Variants in ADAMTS12 observed in about 807,000 individuals in gnomAD.
ADAMTS12 encodes ADAM metallopeptidase with thrombospondin type 1 motif 12, also known as A disintegrin and metalloproteinase with thrombospondin motifs 12.
ADAMTS12 carries 118 observed loss-of-function variants against 167.8 expected under a neutral mutation model. The ratio of observed to expected loss-of-function variants is 0.70; its 90% CI spans 0.61 to 0.82. The LOEUF is 0.82. Among genes scored for constraint, ADAMTS12 ranks in the 40% least tolerant of loss-of-function variants. The pLI is 0.00. For synonymous variants in ADAMTS12, 704 were observed against 716.9 expected, an observed-to-expected ratio of 0.98 and a Z score of 0.29; for missense variants, 1,916 against 1,998.8, an observed-to-expected ratio of 0.96 and a Z score of 0.79.
chr5:33,708,046 A>T (rs149903733), intron 3 of ADAMTS12, among the ~76,000 whole-genome samples: 2,498 of 152,292 alleles, frequency 0.016, 67 homozygotes, highest in African/African-American at 0.057. Context: ...CAATCTATCC[A>T]TCTGACAAAG....
chr5:33,816,444 T>G (rs996852977), intron 2 of ADAMTS12, among the ~76,000 whole-genome samples: 9 of 152,140 alleles, frequency 5.9e-5, no homozygotes, highest in African/African-American at 2.2e-4. Context: ...CTGTCTGAGA[T>G]TTTGTACCTT....
chr5:33,646,760 A>C (rs1490701558), intron 9 of ADAMTS12, among the ~76,000 whole-genome samples: 1 of 152,226 alleles, frequency 6.6e-6, no homozygotes, highest in Non-Finnish European at 1.5e-5. Flanking sequence ...AACAGGAGAA[A>C]CAGATGCACA....
Position 33,630,968 on chromosome 5 carries a change from T to TC in ADAMTS12, c.1889-56dup. The TC allele has an allele frequency of 8.8e-6, 14 of 1,591,776 alleles. No homozygotes were observed. In the South Asian group the frequency reaches 1.6e-4, roughly 18 times the overall value. On this transcript the variant is annotated intron_variant, in intron 12 of 23. Transcript: ENST00000504830. ...CAAATTAGCTTTTAGCTCAGCATCC[T>TC]CCCCCAGGATTCCTCCGTACTTAGG...
intron 18 of ADAMTS12, among the ~76,000 whole-genome samples, chr5:33,581,129 A>C (rs1747043460): frequency 6.6e-6 from 1 of 152,180 alleles, no homozygotes; most frequent in South Asian, 2.1e-4. Context: ...TTCTTCTAGT[A>C]CATCTTCCAA....
intron 3 of ADAMTS12, among the ~76,000 whole-genome samples, chr5:33,691,750 C>A (rs1189996440): frequency 6.6e-6 from 1 of 152,202 alleles, no homozygotes; most frequent in East Asian, 1.9e-4. Context: ...CCGTGTCTAC[C>A]TCCTTCCACA....
chr5:33,759,515 A>G (rs1745276356), intron 2 of ADAMTS12, among the ~76,000 whole-genome samples: 1 of 152,194 alleles, frequency 6.6e-6, no homozygotes, highest in Non-Finnish European at 1.5e-5. Context: ...AAATAAGGCA[A>G]TTCATGAAAA....
chr5:33,675,111 G>T (rs149125970), intron 5 of ADAMTS12, among the ~76,000 whole-genome samples: 7 of 152,112 alleles, frequency 4.6e-5, no homozygotes, highest in Non-Finnish European at 7.4e-5. Context: ...CTTCCCAGTC[G>T]CCAGAACTAT....
intron 2 of ADAMTS12, among the ~76,000 whole-genome samples, chr5:33,804,656 T>C (rs1314744464): frequency 6.6e-6 from 1 of 152,200 alleles, no homozygotes; most frequent in Non-Finnish European, 1.5e-5. Context: ...GAAACCATTT[T>C]GATAAAATAT....
At chr5:33,884,991 C>G (rs1352933974) in intron 1 of ADAMTS12, among the ~76,000 whole-genome samples, 1 of 152,158 alleles carries the variant, frequency 6.6e-6, no homozygotes, top group Non-Finnish European at 1.5e-5. Flanking sequence ...TTATACTCTT[C>G]CAAGTCAAAT....
intron 9 of ADAMTS12, among the ~76,000 whole-genome samples, chr5:33,645,476 T>C (rs1484265836): frequency 1.3e-5 from 2 of 152,162 alleles, no homozygotes; most frequent in Non-Finnish European, 2.9e-5. Context: ...GGAGAATACA[T>C]CATTGTCTCT....
intron 2 of ADAMTS12, among the ~76,000 whole-genome samples, chr5:33,869,778 G>T (rs147622642): frequency 6.6e-6 from 1 of 152,178 alleles, no homozygotes; most frequent in Admixed American, 6.5e-5. Context: ...CATTGTCACT[G>T]ATAAACATCA....
At chr5:33,618,257 G>A (rs2112104943) in intron 14 of ADAMTS12, among the ~76,000 whole-genome samples, 3 of 152,316 alleles carry the variant, frequency 2.0e-5, no homozygotes, top group Admixed American at 2.0e-4. Flanking sequence ...TCTTCATGTT[G>A]AGTAGGCTGA....
At chr5:33,637,782 G>A (rs1388269554) in intron 11 of ADAMTS12, 36 bp from the exon 12 acceptor site, 26 of 1,604,876 alleles carry the variant, frequency 1.6e-5, no homozygotes, top group Non-Finnish European at 2.1e-5. Flanking sequence ...CTTTTAGTTT[G>A]CTTCAACGCC....
chr5:33,615,882 T>A lies in ADAMTS12; in HGVS notation c.2334A>T (p.Gly778=). 1 of 1,614,146 alleles carries A rather than the reference T, an allele frequency of 6.2e-7. No homozygotes were observed. The highest frequency in any genetic ancestry group is 8.5e-7 in the Non-Finnish European group (1 of 1,180,012). ...AGTVFQYDRK[G]DLEKLMATGP... ...CTGTGGCCATCAGCTTTTCCAGGTC[T>A]CCTTTCCTGTCATACTGAAAGACAG... The change falls in exon 15 of 24, where the codon GGA becomes GGT. Residue 778 remains glycine, a synonymous_variant. Transcript: ENST00000504830.
In ADAMTS12 at chr5:33,545,853, G is replaced by A. The variant is rs147995225; in HGVS notation, c.4446+206C>T. 7.0e-3 allele frequency among the ~76,000 whole-genome samples: 1,045 copies of A among 148,278 alleles called. 19 individuals are homozygous for A. Among genetic ancestry groups the A allele is most frequent in the African/African-American group, 0.024 (977 of 39,886 alleles). Reference sequence around the variant, plus strand: ...AGGGCAGGTAACATCACACACTGGGGCCTGTCGGGGGGTGGGGGGCTGGGA... The same window carrying A: ...AGGGCAGGTAACATCACACACTGGGACCTGTCGGGGGGTGGGGGGCTGGGA... On this transcript the variant is annotated intron_variant, in intron 22 of 23. Coordinates refer to ENST00000504830, the MANE Select transcript of ADAMTS12 (RefSeq NM_030955.4).
At chr5:33,659,483 A>C (rs1741179379) in intron 6 of ADAMTS12, among the ~76,000 whole-genome samples, 1 of 152,202 alleles carries the variant, frequency 6.6e-6, no homozygotes, top group Admixed American at 6.5e-5. Flanking sequence ...TGCTGGAAAA[A>C]GATGAATGGT....
intron 18 of ADAMTS12, among the ~76,000 whole-genome samples, chr5:33,577,991 A>T (rs1400138349): frequency 1.3e-5 from 2 of 152,212 alleles, no homozygotes; most frequent in Non-Finnish European, 2.9e-5. Flanking sequence ...ATCAATTTCA[A>T]CACCTGTGAA....
At position 33,525,656 on chromosome 5, in the gene ADAMTS12, G is replaced by A. The variant is rs1394704075; in HGVS notation, c.*1532C>T. On this transcript the variant is annotated 3_prime_UTR_variant, in exon 24 of 24. Transcript: ENST00000504830. The stretch of plus-strand genomic sequence containing the variant: ...ATAGCACCATTCTGCTGAACGGATA[G>A]GTAAAGGGAGACGTGGGATATTGTG... The A allele has an allele frequency of 6.6e-6, 1 of 152,112 alleles. No homozygotes were observed. Among genetic ancestry groups the A allele is most frequent in the African/African-American group, 2.4e-5 (1 of 41,400 alleles). 9.4% of individuals were successfully genotyped at this position (152,112 alleles called of 1,614,324 possible).
rs1743818962 is a variant in ADAMTS12, at chr5:33,526,523, T to G, written c.*665A>C. 1 of 152,270 alleles carries G rather than the reference T, an allele frequency of 6.6e-6. No homozygotes were observed. Among genetic ancestry groups the G allele is most frequent in the South Asian group, 2.1e-4 (1 of 4,832 alleles). The allele number at this position is 152,270 out of a possible 1,614,324, so 9.4% of individuals were successfully genotyped here. On this transcript the variant is annotated 3_prime_UTR_variant, in exon 24 of 24. Transcript: ENST00000504830. Reference sequence around the variant, plus strand: ...TGACCTAAACCCCTTAGGCTGTGTTTCTTATGCCTGTTTCCTCTTAGTCTA... The same window carrying G: ...TGACCTAAACCCCTTAGGCTGTGTTGCTTATGCCTGTTTCCTCTTAGTCTA...
Sources: allele counts gnomAD v4.1 joint callset (sites outside exome capture counted in the v4.1 genomes callset), GRCh38; gene constraint gnomAD v4.1.1; transcripts MANE v1.5; gene names NCBI Gene and HGNC (gene_info 2026-07-23, HGNC 2026-07-21).